The following RYR2 variants were observed in gnomAD, a reference collection of about 807,000 sequenced individuals.
RYR2 encodes cardiac muscle ryanodine receptor-calcium release channel.
Under a neutral mutation model 601.1 loss-of-function variants are expected in RYR2, and 227 were observed. The ratio of observed to expected loss-of-function variants is 0.38; its 90% CI spans 0.34 to 0.42. RYR2 has a LOEUF of 0.42. RYR2 is among the 10% of genes least tolerant of loss of function. The probability of loss-of-function intolerance (pLI) is 1.00; values close to 1 mark genes in which losing one functional copy is unlikely to be tolerated. For synonymous variants in RYR2, 2,223 were observed against 2,175.1 expected, an observed-to-expected ratio of 1.02 and a Z score of -0.61; for missense variants, 4,646 against 6,156.5, an observed-to-expected ratio of 0.75 and a Z score of 8.21.
intron 1 of RYR2, among the ~76,000 whole-genome samples, chr1:237,055,536 G>A (rs1246828536): frequency 6.6e-6 from 1 of 152,088 alleles, no homozygotes; most frequent in Non-Finnish European, 1.5e-5. Flanking sequence ...AGGACACAGT[G>A]GAGAAAGGGT....
intron 1 of RYR2, among the ~76,000 whole-genome samples, chr1:237,167,708 CTTTTTT>C (rs11288225): frequency 9.9e-6 from 1 of 101,112 alleles, no homozygotes. Context: ...GATCCACCTC[CTTTTTT>C]TTTTTTTTTT....
rs562887759 is a variant in RYR2, at chr1:237,657,449, C to T, written c.8130-495C>T. The stretch of plus-strand genomic sequence containing the variant: ...CCTCAACATCAAGGAATTAAATATT[C>T]ATTTAAACACAAAAGGAGTCAAGAT... On this transcript the variant is annotated intron_variant, in intron 53 of 104. Transcript: ENST00000366574. Among the ~76,000 whole-genome samples the T allele has an allele frequency of 5.9e-5, 9 of 151,902 alleles. No homozygotes were observed. In the South Asian group the frequency reaches 1.9e-3, roughly 31 times the overall value.
At chr1:237,474,621 G>A (rs1031459752) in intron 17 of RYR2, among the ~76,000 whole-genome samples, 3 of 152,018 alleles carry the variant, frequency 2.0e-5, no homozygotes, top group African/African-American at 2.4e-5. Flanking sequence ...TAAAACTGCG[G>A]GTGCCCATGT....
chr1:237,465,837 C>T (rs7532096), intron 16 of RYR2, among the ~76,000 whole-genome samples: 73,668 of 152,070 alleles, frequency 0.48, 18,907 homozygotes, highest in East Asian at 0.65. Flanking sequence ...GTGGTATTTA[C>T]GTACATAAGC....
chr1:237,104,324 C>G (rs376533610), intron 1 of RYR2, among the ~76,000 whole-genome samples: 1 of 152,132 alleles, frequency 6.6e-6, no homozygotes, highest in East Asian at 1.9e-4. Flanking sequence ...CTGCCAAGGA[C>G]GTTTCCTTTG....
chr1:237,332,168 A>G (rs1401187810), intron 3 of RYR2, among the ~76,000 whole-genome samples: 2 of 152,196 alleles, frequency 1.3e-5, no homozygotes, highest in Non-Finnish European at 2.9e-5. Context: ...GGTAATATAT[A>G]AATGATTATC....
At chr1:237,284,198 C>G (rs953700426) in intron 2 of RYR2, among the ~76,000 whole-genome samples, 1 of 152,014 alleles carries the variant, frequency 6.6e-6, no homozygotes, top group Non-Finnish European at 1.5e-5. Context: ...GCCTGGCCAA[C>G]ATGGAGAAAC....
chr1:237,106,077 C>T lies in RYR2; in HGVS notation c.48+63508C>T, dbSNP rs372347226. Reference sequence around the variant, plus strand: ...GGCCAGAGGGGCTGCGGGTGTGGGCCGGGCAGGTGGAGGAGGCCTTGAGGG... The same window carrying T: ...GGCCAGAGGGGCTGCGGGTGTGGGCTGGGCAGGTGGAGGAGGCCTTGAGGG... On this transcript the variant is annotated intron_variant, in intron 1 of 104. Coordinates refer to ENST00000366574, the MANE Select transcript of RYR2 (RefSeq NM_001035.3). The surrounding 1 kb of genome is among the most constrained non-coding windows in gnomAD (Gnocchi z 4.4). Among the ~76,000 whole-genome samples, 2 of 151,992 alleles carry T rather than the reference C, an allele frequency of 1.3e-5. No individual in the cohort carries two copies. Among genetic ancestry groups the T allele is most frequent in the Non-Finnish European group, 1.5e-5 (1 of 67,988 alleles).
chr1:237,339,269 C>CT (rs1243797040), intron 3 of RYR2, among the ~76,000 whole-genome samples: 1 of 152,044 alleles, frequency 6.6e-6, no homozygotes, highest in Non-Finnish European at 1.5e-5. Flanking sequence ...AAGATGCCTG[C>CT]TTGGAATATG....
In RYR2 at chr1:237,157,974, A is replaced by C. The variant is rs2485593; in HGVS notation, c.49-112523A>C. ...ATTTCATCATTATACATTGTATGCT[A>C]TTATCAAGATAGCACATGTGCCTCC... On this transcript the variant is annotated intron_variant, in intron 1 of 104. Coordinates refer to ENST00000366574, the MANE Select transcript of RYR2 (RefSeq NM_001035.3). Among the ~76,000 whole-genome samples, 457 of 152,336 alleles carry C rather than the reference A, an allele frequency of 3.0e-3. 2 individuals are homozygous for C. Among genetic ancestry groups the C allele is most frequent in the African/African-American group, 0.01 (428 of 41,562 alleles).
chr1:237,257,729 G>A, intron 1 of RYR2, among the ~76,000 whole-genome samples: 1 of 152,166 alleles, frequency 6.6e-6, no homozygotes, highest in Admixed American at 6.5e-5. Context: ...TGCATGTTAT[G>A]AAGGAACTGG....
At chr1:237,142,915 C>T (rs1442968827) in intron 1 of RYR2, among the ~76,000 whole-genome samples, 1 of 152,140 alleles carries the variant, frequency 6.6e-6, no homozygotes, top group African/African-American at 2.4e-5. Flanking sequence ...AGCACCGGCT[C>T]CCCACTGGGA....
intron 87 of RYR2, 149 bp downstream of exon 87, chr1:237,773,797 T>A (rs1455546820): frequency 3.1e-6 from 2 of 652,846 alleles, no homozygotes; most frequent in East Asian, 5.6e-5. Context: ...AGATGTGAAT[T>A]TATATGGAAT....
Position 237,566,713 on chromosome 1 carries a change from G to T in RYR2, c.3361G>T (p.Gly1121Cys), listed in dbSNP as rs199682282. The change falls in exon 28 of 105, where the codon GGT (glycine) becomes TGT (cysteine). Residue 1121 changes from glycine to cysteine, a missense_variant. Physicochemically the swap from Gly to Cys is radical, Grantham distance 159 (BLOSUM62 -3). Transcript: ENST00000366574. Reference sequence around the variant, plus strand: ...CATGAGGGTTGGTTGGAGTCGTCCTGGTTGTCAACCGGATCAGGAGCTTGG... The same window carrying T: ...CATGAGGGTTGGTTGGAGTCGTCCTTGTTGTCAACCGGATCAGGAGCTTGG... Reference protein sequence around the residue: ...GDMRVGWSRPGCQPDQELGSD... With the variant: ...GDMRVGWSRPCCQPDQELGSD... 1 of 1,613,942 alleles carries T rather than the reference G, an allele frequency of 6.2e-7. No homozygotes were observed.
At chr1:237,398,276 C>T (rs1260428159) in intron 10 of RYR2, among the ~76,000 whole-genome samples, 3 of 152,062 alleles carry the variant, frequency 2.0e-5, no homozygotes, top group Non-Finnish European at 4.4e-5. Context: ...TGAATCTCAT[C>T]AACAGGAGAA....
intron 17 of RYR2, among the ~76,000 whole-genome samples, chr1:237,489,910 A>G (rs112842327): frequency 2.6e-5 from 4 of 152,246 alleles, no homozygotes; most frequent in Admixed American, 2.6e-4. Context: ...AGTAAACTGC[A>G]TAAAGAAAAT....
intron 1 of RYR2, among the ~76,000 whole-genome samples, chr1:237,104,175 T>G (rs756105462): frequency 3.3e-5 from 5 of 152,154 alleles, no homozygotes; most frequent in Non-Finnish European, 5.9e-5. Flanking sequence ...GCGGCAGTAA[T>G]TCATCATCCA....
chr1:237,378,339 A>T (rs1385916522), intron 8 of RYR2, among the ~76,000 whole-genome samples: 1 of 152,246 alleles, frequency 6.6e-6, no homozygotes, highest in Non-Finnish European at 1.5e-5. Context: ...ATATGTATTT[A>T]ATTTAACTTA....
At position 237,610,680 on chromosome 1, in the gene RYR2, C is replaced by A; in HGVS notation, c.4684-82C>A. 1.8e-6 allele frequency: 2 copies of A among 1,106,580 alleles called. No homozygotes were observed. Among genetic ancestry groups the A allele is most frequent in the Non-Finnish European group, 2.6e-6 (2 of 762,264 alleles). The allele number at this position is 1,106,580 out of a possible 1,614,324, so 68.5% of individuals were successfully genotyped here. A position where few individuals can be genotyped will look rare whatever the true frequency, so the allele number is the denominator to read the frequency against. ...GTTATCTTACTTTCCCTGTCTCTGT[C>A]CTGTGCAGAATTCTAGTCATTACTT... On this transcript the variant is annotated intron_variant, in intron 35 of 104. Coordinates refer to ENST00000366574, the MANE Select transcript of RYR2 (RefSeq NM_001035.3). This position sits in a 1 kb window ranked among gnomAD's most constrained non-coding sequence, Gnocchi z 4.9.
Sources: allele counts gnomAD v4.1 joint callset (sites outside exome capture counted in the v4.1 genomes callset), GRCh38; gene constraint gnomAD v4.1.1; non-coding constraint Gnocchi (gnomAD v3.1); transcripts MANE v1.5; gene names NCBI Gene and HGNC (gene_info 2026-07-23, HGNC 2026-07-21).